Variants in CPNE8 observed in about 807,000 individuals in gnomAD.
CPNE8 encodes copine-8.
CPNE8 carries 45 observed loss-of-function variants against 81.5 expected under a neutral mutation model. The ratio of observed to expected loss-of-function variants is 0.55; its 90% CI spans 0.44 to 0.71. The LOEUF (loss-of-function observed/expected upper bound fraction) is 0.71. Among genes scored for constraint, CPNE8 ranks in the 30% least tolerant of loss-of-function variants. The probability of loss-of-function intolerance (pLI) is 0.00; values close to 1 mark genes in which losing one functional copy is unlikely to be tolerated. For synonymous variants in CPNE8, 252 were observed against 226.3 expected, an observed-to-expected ratio of 1.11 and a Z score of -1.02; for missense variants, 594 against 672.1, an observed-to-expected ratio of 0.88 and a Z score of 1.28.
intron 5 of CPNE8, 30 bp downstream of exon 5, chr12:38,839,886 T>G: frequency 6.5e-7 from 1 of 1,528,818 alleles, no homozygotes; most frequent in Non-Finnish European, 8.9e-7. Context: ...TGTATTATAA[T>G]GTTATAAAAA....
intron 11 of CPNE8, 23 bp downstream of exon 11, chr12:38,730,260 T>C (rs751617773): frequency 1.4e-6 from 2 of 1,383,616 alleles, no homozygotes; most frequent in South Asian, 1.2e-5. Flanking sequence ...AAAAAAACAA[T>C]GGTAAAATAA....
At chr12:38,802,584 T>A (rs1476176053) in intron 6 of CPNE8, among the ~76,000 whole-genome samples, 7 of 137,168 alleles carry the variant, frequency 5.1e-5, no homozygotes, top group Non-Finnish European at 9.5e-5. Context: ...CACCCTAACA[T>A]CACAATTAAA....
At chr12:38,719,438 A>G (rs1323662712) in intron 13 of CPNE8, among the ~76,000 whole-genome samples, 1 of 151,976 alleles carries the variant, frequency 6.6e-6, no homozygotes, top group Non-Finnish European at 1.5e-5. Flanking sequence ...ACCCCTCTCT[A>G]CTAAAAATGC....
intron 6 of CPNE8, among the ~76,000 whole-genome samples, chr12:38,814,463 C>G (rs1942991056): frequency 6.6e-6 from 1 of 151,728 alleles, no homozygotes; most frequent in Non-Finnish European, 1.5e-5. Flanking sequence ...ACTACAGGCA[C>G]ACACCACAAT....
intron 10 of CPNE8, among the ~76,000 whole-genome samples, chr12:38,757,929 T>A (rs570901705): frequency 8.5e-5 from 13 of 152,128 alleles, no homozygotes; most frequent in Middle Eastern, 3.4e-3. Context: ...CTGTTAATGA[T>A]GGTATAGTAA....
intron 1 of CPNE8, among the ~76,000 whole-genome samples, chr12:38,893,385 T>C (rs1164168966): frequency 6.0e-5 from 8 of 133,078 alleles, no homozygotes; most frequent in Non-Finnish European, 8.3e-5. Context: ...ACAATGAGAG[T>C]GGCCTCTGGT....
At chr12:38,780,281 T>G (rs1261735786) in intron 6 of CPNE8, among the ~76,000 whole-genome samples, 1 of 152,074 alleles carries the variant, frequency 6.6e-6, no homozygotes, top group African/African-American at 2.4e-5. Context: ...AGGATATAAA[T>G]AAATTATCCA....
At chr12:38,869,816 C>T (rs1243743870) in intron 3 of CPNE8, among the ~76,000 whole-genome samples, 1 of 152,154 alleles carries the variant, frequency 6.6e-6, no homozygotes, top group Non-Finnish European at 1.5e-5. Context: ...TTTTCAAACC[C>T]TTTTTGATCA....
At chr12:38,832,395 A>G (rs985116364) in intron 5 of CPNE8, among the ~76,000 whole-genome samples, 1 of 152,212 alleles carries the variant, frequency 6.6e-6, no homozygotes, top group Admixed American at 6.5e-5. Flanking sequence ...CCAATTAGCT[A>G]AACTGGGACT....
intron 5 of CPNE8, among the ~76,000 whole-genome samples, chr12:38,834,220 C>CG (rs770811255): frequency 8.5e-5 from 13 of 152,292 alleles, no homozygotes; most frequent in Non-Finnish European, 1.6e-4. Flanking sequence ...TTAGATAACT[C>CG]TGAGTTCCAA....
intron 3 of CPNE8, among the ~76,000 whole-genome samples, chr12:38,851,808 G>A (rs1379185110): frequency 6.6e-6 from 1 of 152,178 alleles, no homozygotes; most frequent in South Asian, 2.1e-4. Context: ...TGGTCTAAAG[G>A]TCCTGGCTCC....
At chr12:38,815,947 T>A (rs1315670007) in intron 6 of CPNE8, among the ~76,000 whole-genome samples, 3 of 152,188 alleles carry the variant, frequency 2.0e-5, no homozygotes, top group Non-Finnish European at 4.4e-5. Flanking sequence ...GAGTAGCATA[T>A]TCCTAGCTCT....
intron 9 of CPNE8, among the ~76,000 whole-genome samples, chr12:38,761,382 A>G (rs1015047934): frequency 2.0e-5 from 3 of 152,186 alleles, no homozygotes; most frequent in Non-Finnish European, 4.4e-5. Context: ...GAAGAACATT[A>G]TGACTTTCTT....
chr12:38,702,662 T>A (rs1939975401), intron 14 of CPNE8, among the ~76,000 whole-genome samples: 3 of 152,220 alleles, frequency 2.0e-5, no homozygotes, highest in Middle Eastern at 6.8e-3. Flanking sequence ...TAAATCTGAA[T>A]GAGACTATTA....
At chr12:38,794,576 A>G (rs548446109) in intron 6 of CPNE8, among the ~76,000 whole-genome samples, 2 of 152,252 alleles carry the variant, frequency 1.3e-5, no homozygotes, top group South Asian at 4.2e-4. Context: ...ATCATTAAGA[A>G]ATGGAAATCA....
Position 38,810,126 on chromosome 12 carries a change from T to G in CPNE8, c.407+19253A>C, listed in dbSNP as rs573137606. Among the ~76,000 whole-genome samples, 108 of 152,246 alleles carry G rather than the reference T, an allele frequency of 7.1e-4. 2 individuals carry two copies. The highest frequency in any genetic ancestry group is 7.4e-5 in the Non-Finnish European group (5 of 68,008). ...AAGTTGGAGGGTATGACAATCTACT[T>G]TCATTTATACTCTCCCTCTCTCTCT... On this transcript the variant is annotated intron_variant, in intron 6 of 19. Transcript: ENST00000331366.
intron 3 of CPNE8, among the ~76,000 whole-genome samples, chr12:38,863,852 C>A (rs965849228): frequency 3.3e-5 from 5 of 151,928 alleles, no homozygotes; most frequent in African/African-American, 1.2e-4. Context: ...GAGATCGAGA[C>A]CATCCTGGCT....
intron 1 of CPNE8, among the ~76,000 whole-genome samples, chr12:38,893,727 T>C (rs1944345478): frequency 6.6e-6 from 1 of 152,208 alleles, no homozygotes; most frequent in African/African-American, 2.4e-5. Flanking sequence ...ATACTACTCC[T>C]TTCCCTATTA....
At chr12:38,768,273 A>C (rs1267577976) in intron 7 of CPNE8, among the ~76,000 whole-genome samples, 1 of 152,062 alleles carries the variant, frequency 6.6e-6, no homozygotes, top group Non-Finnish European at 1.5e-5. Flanking sequence ...AGTATAATGA[A>C]TCAGTAACTA....
Sources: allele counts gnomAD v4.1 joint callset (sites outside exome capture counted in the v4.1 genomes callset), GRCh38; gene constraint gnomAD v4.1.1; transcripts MANE v1.5; gene names NCBI Gene and HGNC (gene_info 2026-07-23, HGNC 2026-07-21).